NAALADL2: variants seen among roughly 807,000 people sequenced by gnomAD.
NAALADL2 encodes the protein inactive N-acetylated-alpha-linked acidic dipeptidase-like protein 2.
Under a neutral mutation model 87.2 loss-of-function variants are expected in NAALADL2, and 76 were observed. The observed-to-expected ratio is 0.87, with a 90% CI of 0.72 to 1.05. The LOEUF (loss-of-function observed/expected upper bound fraction) is 1.05, where lower values mean the gene tolerates loss of function less well. Ranked by LOEUF, NAALADL2 falls within the 50% of genes least tolerant of loss-of-function variation. The probability of loss-of-function intolerance (pLI) is 0.00; values close to 1 mark genes in which losing one functional copy is unlikely to be tolerated. For synonymous variants in NAALADL2, 354 were observed against 331.0 expected (o/e 1.07, Z -0.75); for missense variants, 1,089 against 945.8 (o/e 1.15, Z -1.99).
chr3:175,770,950 A>T (rs1324523541), intron 13 of NAALADL2, among the ~76,000 whole-genome samples: 1 of 152,216 alleles, frequency 6.6e-6, no homozygotes, highest in Non-Finnish European at 1.5e-5. Flanking sequence ...CAACTAAAGA[A>T]TAGAAATGTT....
intron 2 of NAALADL2, among the ~76,000 whole-genome samples, chr3:174,726,247 G>A (rs973918007): frequency 1.4e-4 from 22 of 152,108 alleles, no homozygotes; most frequent in Middle Eastern, 3.4e-3. Context: ...TAATAAAAGC[G>A]CTATGATGAA....
At chr3:174,681,996 G>A (rs1196025211) in intron 2 of NAALADL2, among the ~76,000 whole-genome samples, 1 of 152,142 alleles carries the variant, frequency 6.6e-6, no homozygotes, top group Non-Finnish European at 1.5e-5. Context: ...ATAAGTGGTA[G>A]CCAGGCAGTA....
intron 5 of NAALADL2, among the ~76,000 whole-genome samples, chr3:175,442,859 A>T (rs1332525669): frequency 6.6e-6 from 1 of 152,212 alleles, no homozygotes; most frequent in Non-Finnish European, 1.5e-5. Context: ...TTAAAGTGCT[A>T]AAATGTAGTG....
rs538841067 is a variant in NAALADL2 at position 174,488,324 on chromosome 3, C to A, written c.-184+47292C>A. Among the ~76,000 whole-genome samples, 18 of 151,972 alleles carry A rather than the reference C, an allele frequency of 1.2e-4. No individual in the cohort carries two copies. The South Asian group carries it at 3.7e-3, about 32-fold the overall frequency. On this transcript the variant is annotated intron_variant, in intron 1 of 3. Transcript: ENST00000434257. ...TTAACTGCTTGGATAAGATATTTAA[C>A]TTTTTTAGATCTCAGTTTTGTCACC...
At chr3:175,500,793 C>T (rs1031421561) in intron 9 of NAALADL2, among the ~76,000 whole-genome samples, 4 of 152,018 alleles carry the variant, frequency 2.6e-5, no homozygotes, top group Non-Finnish European at 4.4e-5. Context: ...AGTGGCAGAT[C>T]CCAAATGTGA....
At chr3:174,926,048 T>G (rs1238988438) in intron 1 of NAALADL2, among the ~76,000 whole-genome samples, 2 of 152,058 alleles carry the variant, frequency 1.3e-5, no homozygotes, top group Non-Finnish European at 2.9e-5. Context: ...GCACGAGAAC[T>G]ATGTGAGGAA....
intron 12 of NAALADL2, among the ~76,000 whole-genome samples, chr3:175,742,483 C>CGCCTCCCGGAAGCTCT (rs1290880635): frequency 1.3e-5 from 2 of 152,136 alleles, no homozygotes; most frequent in African/African-American, 4.8e-5. Flanking sequence ...CTGCAAGCTC[C>CGCCTCCCGGAAGCTCT]GCCTCCCGGG....
At chr3:175,391,974 A>C (rs1346044553) in intron 5 of NAALADL2, among the ~76,000 whole-genome samples, 1 of 152,102 alleles carries the variant, frequency 6.6e-6, no homozygotes, top group Non-Finnish European at 1.5e-5. Flanking sequence ...AATCATCGCA[A>C]CCTCCCTATG....
intron 1 of NAALADL2, among the ~76,000 whole-genome samples, chr3:175,043,102 G>T (rs1222273177): frequency 6.6e-6 from 1 of 152,078 alleles, no homozygotes; most frequent in Non-Finnish European, 1.5e-5. Flanking sequence ...GAATCAGAAG[G>T]CCAATAAAAC....
intron 2 of NAALADL2, among the ~76,000 whole-genome samples, chr3:175,215,223 T>A (rs891831657): frequency 1.3e-5 from 2 of 152,172 alleles, no homozygotes; most frequent in South Asian, 4.1e-4. Flanking sequence ...AGGGTTGATG[T>A]GAACATTTAT....
chr3:175,644,302 TG>T (rs1369421473), intron 11 of NAALADL2, among the ~76,000 whole-genome samples: 1 of 152,132 alleles, frequency 6.6e-6, no homozygotes, highest in African/African-American at 2.4e-5. Flanking sequence ...TAATCTAGTT[TG>T]CCAATATCTT....
At chr3:174,891,126 A>T (rs1307287147) in intron 1 of NAALADL2, among the ~76,000 whole-genome samples, 1 of 152,170 alleles carries the variant, frequency 6.6e-6, no homozygotes, top group East Asian at 1.9e-4. Flanking sequence ...AATACATTTT[A>T]TTAAGTAATA....
At chr3:175,295,569 T>A (rs1756211970) in intron 4 of NAALADL2, among the ~76,000 whole-genome samples, 1 of 152,180 alleles carries the variant, frequency 6.6e-6, no homozygotes, top group South Asian at 2.1e-4. Flanking sequence ...CCTTTCCAAC[T>A]GTGCTTCTGT....
intron 2 of NAALADL2, among the ~76,000 whole-genome samples, chr3:174,551,516 G>T (rs1454695454): frequency 6.6e-6 from 1 of 152,306 alleles, no homozygotes; most frequent in African/African-American, 2.4e-5. Flanking sequence ...TTAGAATCAG[G>T]TGTAGCCTTA....
chr3:174,557,034 C>A (rs985713344), intron 2 of NAALADL2, among the ~76,000 whole-genome samples: 3 of 152,134 alleles, frequency 2.0e-5, no homozygotes, highest in African/African-American at 7.2e-5. Flanking sequence ...GCTTGAGCCA[C>A]CGTGCCCAGC....
At chr3:175,594,421 T>C (rs1721969704) in intron 10 of NAALADL2, among the ~76,000 whole-genome samples, 1 of 152,178 alleles carries the variant, frequency 6.6e-6, no homozygotes, top group African/African-American at 2.4e-5. Context: ...GTTAATTCCA[T>C]GCCTTTGCTT....
intron 1 of NAALADL2, among the ~76,000 whole-genome samples, chr3:174,937,487 G>C (rs1026662598): frequency 1.3e-5 from 2 of 151,926 alleles, no homozygotes; most frequent in African/African-American, 2.4e-5. Context: ...TTATGAAACT[G>C]CTTAGAACCA....
intron 2 of NAALADL2, among the ~76,000 whole-genome samples, chr3:175,192,656 G>A (rs1393880006): frequency 6.6e-6 from 1 of 151,972 alleles, no homozygotes; most frequent in Non-Finnish European, 1.5e-5. Context: ...TTTTAATTAT[G>A]ACAACAGTCA....
intron 2 of NAALADL2, among the ~76,000 whole-genome samples, chr3:175,220,154 T>G (rs1434197192): frequency 6.6e-6 from 1 of 150,750 alleles, no homozygotes; most frequent in Non-Finnish European, 1.5e-5. Context: ...GTGTTACAAG[T>G]ATATTTATAA....
Sources: allele counts gnomAD v4.1 joint callset (sites outside exome capture counted in the v4.1 genomes callset), GRCh38; gene constraint gnomAD v4.1.1; transcripts MANE v1.5; gene names NCBI Gene and HGNC (gene_info 2026-07-23, HGNC 2026-07-21).